FBXL7: variants seen among roughly 807,000 people sequenced by gnomAD.
FBXL7 encodes F-box and leucine rich repeat protein 7, also known as F-box/LRR-repeat protein 7.
In FBXL7, 12 loss-of-function variants were observed where a neutral mutation model predicts 38.3. That is an observed-to-expected ratio of 0.31 (90% CI 0.20 to 0.51). FBXL7 has a LOEUF of 0.51. Ranked by LOEUF, FBXL7 falls within the 20% of genes least tolerant of loss-of-function variation. The pLI is 0.98. For missense variants in FBXL7, 567 were observed against 676.4 expected (o/e 0.84, Z 1.79); for synonymous variants, 297 against 300.9 (o/e 0.99, Z 0.13).
chr5:15,935,176 C>T (rs759505530), intron 3 of FBXL7: 4 of 534,642 alleles, frequency 7.5e-6, no homozygotes, highest in Non-Finnish European at 1.5e-5. Flanking sequence ...GTCAGAGAGC[C>T]CCGGGGTGCA....
rs775944574 is a variant in FBXL7 at position 15,928,235 on chromosome 5, G to A, written c.473G>A (p.Arg158His). ...GACCCGCGGCTCTGGAGGACTATCC[G>A]CCTGACGGGCGAGACCATCAACGTG... ...AWDPRLWRTIRLTGETINVDR... is the reference protein window; with the variant it reads ...AWDPRLWRTIHLTGETINVDR... The change falls in exon 3 of 4, where the codon CGC (arginine) becomes CAC (histidine). Residue 158 changes from arginine (R) to histidine (H), a missense_variant. Transcript: ENST00000504595. The surrounding 1 kb of genome is among the most constrained non-coding windows in gnomAD (Gnocchi z 4.0). The A allele has an allele frequency of 1.9e-6, 3 of 1,610,932 alleles. No individual in the cohort carries two copies. Among genetic ancestry groups the A allele is most frequent in the African/African-American group, 1.3e-5 (1 of 74,982 alleles).
intron 1 of FBXL7, among the ~76,000 whole-genome samples, chr5:15,579,816 CCT>C (rs1739079908): frequency 6.6e-6 from 1 of 152,072 alleles, no homozygotes; most frequent in Admixed American, 6.6e-5. Context: ...GGGTGTCAGG[CCT>C]CTCTGTGTGG....
At chr5:15,701,364 C>G (rs576767132) in intron 2 of FBXL7, among the ~76,000 whole-genome samples, 1 of 152,302 alleles carries the variant, frequency 6.6e-6, no homozygotes, top group South Asian at 2.1e-4. Flanking sequence ...TAGATTTAAG[C>G]AGAGAGTAGC....
chr5:15,665,264 AAAGCT>A (rs1380291883), intron 2 of FBXL7, among the ~76,000 whole-genome samples: 17 of 152,284 alleles, frequency 1.1e-4, no homozygotes, highest in African/African-American at 4.1e-4. Flanking sequence ...GGCCAGTGAA[AAAGCT>A]TACTAATGAG....
chr5:15,706,007 G>A (rs1453884723), intron 2 of FBXL7, among the ~76,000 whole-genome samples: 5 of 152,094 alleles, frequency 3.3e-5, no homozygotes, highest in Non-Finnish European at 5.9e-5. Flanking sequence ...AGAGAAGGAG[G>A]TATGCAAAGG....
intron 2 of FBXL7, among the ~76,000 whole-genome samples, chr5:15,905,812 G>A (rs1380859932): frequency 6.6e-6 from 1 of 152,094 alleles, no homozygotes; most frequent in Non-Finnish European, 1.5e-5. Flanking sequence ...GGCAGGAATG[G>A]AGAGGATAGG....
At chr5:15,857,578 T>G (rs563992849) in intron 2 of FBXL7, among the ~76,000 whole-genome samples, 1 of 152,296 alleles carries the variant, frequency 6.6e-6, no homozygotes, top group East Asian at 1.9e-4. Flanking sequence ...CAAAGTCACC[T>G]AGTGAAGTTC....
chr5:15,935,295 C>T (rs546075502), intron 3 of FBXL7: 12 of 519,034 alleles, frequency 2.3e-5, no homozygotes, highest in South Asian at 1.5e-4. Flanking sequence ...CAAGACACCT[C>T]GGGCAGATAG....
chr5:15,633,383 T>C (rs1427075670), intron 2 of FBXL7, among the ~76,000 whole-genome samples: 1 of 152,202 alleles, frequency 6.6e-6, no homozygotes, highest in African/African-American at 2.4e-5. Flanking sequence ...TAATAATCAA[T>C]GTTTCTATTT....
At chr5:15,766,329 T>C (rs1008589602) in intron 2 of FBXL7, among the ~76,000 whole-genome samples, 1 of 152,214 alleles carries the variant, frequency 6.6e-6, no homozygotes, top group Non-Finnish European at 1.5e-5. Flanking sequence ...AGTGCTTTGG[T>C]ATCTCTGTCT....
chr5:15,561,652 G>C (rs1738419243), intron 1 of FBXL7, among the ~76,000 whole-genome samples: 1 of 151,726 alleles, frequency 6.6e-6, no homozygotes. Context: ...TTTTTTTACA[G>C]TGGCTGCACC....
At chr5:15,833,860 A>T (rs1053907088) in intron 2 of FBXL7, among the ~76,000 whole-genome samples, 3 of 152,196 alleles carry the variant, frequency 2.0e-5, no homozygotes, top group Non-Finnish European at 4.4e-5. Context: ...TTTCGTGATG[A>T]TATTGACTAC....
intron 2 of FBXL7, among the ~76,000 whole-genome samples, chr5:15,638,356 A>G (rs980252551): frequency 6.6e-6 from 1 of 152,156 alleles, no homozygotes; most frequent in Non-Finnish European, 1.5e-5. Context: ...GTTTGTGAAC[A>G]TTGGTCATTT....
intron 2 of FBXL7, among the ~76,000 whole-genome samples, chr5:15,763,934 G>C (rs1028835822): frequency 6.6e-6 from 1 of 152,168 alleles, no homozygotes; most frequent in Non-Finnish European, 1.5e-5. Context: ...TGAGTCAAAG[G>C]CCTGAGAACC....
intron 2 of FBXL7, among the ~76,000 whole-genome samples, chr5:15,860,515 A>C (rs536949217): frequency 6.6e-6 from 1 of 152,294 alleles, no homozygotes; most frequent in Non-Finnish European, 1.5e-5. Flanking sequence ...GATAATATTT[A>C]ATTCTTTAGG....
At chr5:15,793,932 C>T (rs1336944506) in intron 2 of FBXL7, among the ~76,000 whole-genome samples, 1 of 152,206 alleles carries the variant, frequency 6.6e-6, no homozygotes, top group Non-Finnish European at 1.5e-5. Flanking sequence ...GTGCGCCTCT[C>T]CCATGTTATC....
At chr5:15,567,899 A>G (rs1459398694) in intron 1 of FBXL7, among the ~76,000 whole-genome samples, 1 of 152,098 alleles carries the variant, frequency 6.6e-6, no homozygotes, top group Non-Finnish European at 1.5e-5. Context: ...TTCCAGCTTC[A>G]TCCATGTCCC....
In FBXL7 at chr5:15,530,051, A is replaced by G. The variant is rs1488985211; in HGVS notation, c.37+29338A>G. Among the ~76,000 whole-genome samples the G allele has an allele frequency of 3.3e-5, 5 of 152,320 alleles. No homozygotes were observed. The East Asian group carries it at 9.7e-4, about 29-fold the overall frequency. ...TTTGGAACTGTAGCAGGAATTTTGT[A>G]TCTCTTAGATAATACCCTTGATGAT... On this transcript the variant is annotated intron_variant, in intron 1 of 3. Transcript: ENST00000504595.
chr5:15,697,406 A>T (rs1743375370), intron 2 of FBXL7, among the ~76,000 whole-genome samples: 1 of 152,202 alleles, frequency 6.6e-6, no homozygotes, highest in African/African-American at 2.4e-5. Flanking sequence ...ATTTTGAAGG[A>T]TCTAAATGTC....
Sources: allele counts gnomAD v4.1 joint callset (sites outside exome capture counted in the v4.1 genomes callset), GRCh38; gene constraint gnomAD v4.1.1; non-coding constraint Gnocchi (gnomAD v3.1); transcripts MANE v1.5; gene names NCBI Gene and HGNC (gene_info 2026-07-23, HGNC 2026-07-21).